The following SGSH variants were observed in gnomAD, a reference collection of about 807,000 sequenced individuals.
SGSH encodes the protein N-sulfoglucosamine sulfohydrolase.
SGSH carries 48 observed loss-of-function variants against 51.0 expected under a neutral mutation model. The ratio of observed to expected loss-of-function variants is 0.94; its 90% CI spans 0.75 to 1.20. SGSH has a LOEUF of 1.20. SGSH is among the 50% of genes most tolerant of loss of function. The pLI, the probability that SGSH is intolerant of heterozygous loss-of-function variation, is 0.00. For synonymous variants in SGSH, 321 were observed against 313.4 expected, an observed-to-expected ratio of 1.02 and a Z score of -0.26; for missense variants, 662 against 717.8, an observed-to-expected ratio of 0.92 and a Z score of 0.89.
At chr17:80,215,900 G>A (rs970850283) in intron 2 of SGSH, among the ~76,000 whole-genome samples, 6 of 152,310 alleles carry the variant, frequency 3.9e-5, no homozygotes, top group Middle Eastern at 3.4e-3. Flanking sequence ...GCCCACTGAC[G>A]GATGAATATG....
At chr17:80,211,804 G>A in intron 7 of SGSH, 1 of 540,082 alleles carries the variant, frequency 1.9e-6, no homozygotes, top group Non-Finnish European at 3.4e-6. Context: ...TCGGAGGTAG[G>A]CGGGGAAAAG....
downstream of SGSH, chr17:80,208,249 C>G (rs144285237): frequency 1.7e-3 from 2,654 of 1,581,668 alleles, 6 homozygotes; most frequent in Admixed American, 2.6e-3. Flanking sequence ...TGGCTCCTGA[C>G]GGCTGGAGCG....
rs560611957 is a variant in SGSH, at chr17:80,209,417, C to T, written c.*1035G>A. 7 of 985,516 alleles carry T rather than the reference C, an allele frequency of 7.1e-6. No individual in the cohort carries two copies. The highest frequency in any genetic ancestry group is 9.4e-5 in the South Asian group (2 of 21,288). 61.0% of individuals were successfully genotyped at this position (985,516 alleles called of 1,614,324 possible). Reference sequence around the variant, plus strand: ...GGGAGCCCACCTACTCAAGGAAGCGCCCTCTCCTTCGAGGGGTGTCCAGGC... The same window carrying T: ...GGGAGCCCACCTACTCAAGGAAGCGTCCTCTCCTTCGAGGGGTGTCCAGGC... On this transcript the variant is annotated 3_prime_UTR_variant, in exon 8 of 8. Coordinates refer to ENST00000326317, the MANE Select transcript of SGSH (RefSeq NM_000199.5).
At chr17:80,214,505 C>A in intron 4 of SGSH, 110 bp downstream of exon 4, 6 of 1,338,438 alleles carry the variant, frequency 4.5e-6, no homozygotes, top group Non-Finnish European at 5.2e-6. Context: ...GGAACCTTCT[C>A]CCCTGCCCCC....
chr17:80,210,141 C>A lies in SGSH; in HGVS notation c.*311G>T. ...CCCTTGTCATGGGCTGGGGGCGCTGCCCTGTCCGCAGACCACGTATGTCTA... is the reference window on the plus strand; with the variant it reads ...CCCTTGTCATGGGCTGGGGGCGCTGACCTGTCCGCAGACCACGTATGTCTA... On this transcript the variant is annotated 3_prime_UTR_variant, in exon 8 of 8. Transcript: ENST00000326317. The A allele has an allele frequency of 4.7e-6, 6 of 1,283,104 alleles. No homozygotes were observed. Among genetic ancestry groups the A allele is most frequent in the Non-Finnish European group, 6.0e-6 (6 of 1,007,786 alleles). The allele number at this position is 1,283,104 out of a possible 1,614,324, so 79.5% of individuals were successfully genotyped here.
At chr17:80,218,102 A>G (rs558866481) in intron 1 of SGSH, among the ~76,000 whole-genome samples, 1 of 152,370 alleles carries the variant, frequency 6.6e-6, no homozygotes, top group African/African-American at 2.4e-5. Context: ...TTAGCCGGCT[A>G]GGCATTTAGG....
Position 80,212,437 on chromosome 17 carries a change from A to G in SGSH, c.746-163T>C, listed in dbSNP as rs1244750210. ...TTCCCAATGGCCCTGGCTCTTGCCC[A>G]GCTCTTGCCCAGCTCCGCCCAGCTC... is the stretch of plus-strand genomic sequence containing the variant. On this transcript the variant is annotated intron_variant, in intron 6 of 7. Transcript: ENST00000326317. The surrounding 1 kb of genome is among the most constrained non-coding windows in gnomAD (Gnocchi z 5.9). 3 of 696,968 alleles carry G rather than the reference A, an allele frequency of 4.3e-6. No individual in the cohort carries two copies. Among genetic ancestry groups the G allele is most frequent in the Non-Finnish European group, 7.7e-6 (3 of 390,228 alleles). The allele number at this position is 696,968 out of a possible 1,614,324, so 43.2% of individuals were successfully genotyped here.
chr17:80,208,287 G>T (rs748377540), downstream of SGSH: 3 of 1,601,284 alleles, frequency 1.9e-6, no homozygotes, highest in Non-Finnish European at 2.6e-6. Flanking sequence ...AGCTGTGTCC[G>T]CCAGGCCATC....
At chr17:80,214,058 T>G (rs1180860679) in intron 5 of SGSH, 114 bp downstream of exon 5, 1 of 1,425,556 alleles carries the variant, frequency 7.0e-7, no homozygotes. Flanking sequence ...TGAATCCGAT[T>G]TGGTCAGAGC....
rs750158313 is a variant in SGSH, at chr17:80,213,897, G to A, written c.664-12C>T. 9.4e-6 allele frequency: 15 copies of A among 1,599,964 alleles called. 1 individual carries two copies. Among genetic ancestry groups the A allele is most frequent in the Admixed American group, 6.9e-5 (4 of 58,156 alleles). ...ACGAAGTAAGGCACCTGGGGCAGGC[G>A]GTGGGGAGCCAGGCTTAGAACAGAC... On this transcript the variant is annotated splice_polypyrimidine_tract_variant and intron_variant, in intron 5 of 7. Coordinates refer to ENST00000326317, the MANE Select transcript of SGSH (RefSeq NM_000199.5). The surrounding 1 kb of genome is among the most constrained non-coding windows in gnomAD (Gnocchi z 4.6).
intron 7 of SGSH, 159 bp from the exon 8 acceptor site, chr17:80,211,170 C>G: frequency 6.6e-7 from 1 of 1,506,774 alleles, no homozygotes; most frequent in Non-Finnish European, 8.8e-7. Context: ...GCCACGTCAT[C>G]TCTCTGGGCC....
In SGSH at chr17:80,210,113, A is replaced by G; in HGVS notation, c.*339T>C. On this transcript the variant is annotated 3_prime_UTR_variant, in exon 8 of 8. Transcript: ENST00000326317. Reference sequence around the variant, plus strand: ...TCCCCAAACCAAGCCAGAAAACAAGACTCCCTTGTCATGGGCTGGGGGCGC... The same window carrying G: ...TCCCCAAACCAAGCCAGAAAACAAGGCTCCCTTGTCATGGGCTGGGGGCGC... 2 of 1,187,382 alleles carry G rather than the reference A, an allele frequency of 1.7e-6. No individual in the cohort carries two copies. The highest frequency in any genetic ancestry group is 4.8e-5 in the South Asian group (2 of 41,480). The allele number at this position is 1,187,382 out of a possible 1,614,324, so 73.6% of individuals were successfully genotyped here. A position where few individuals can be genotyped will look rare whatever the true frequency, so the allele number is the denominator to read the frequency against.
At chr17:80,218,210 G>A (rs749012633) in intron 1 of SGSH, among the ~76,000 whole-genome samples, 3 of 152,250 alleles carry the variant, frequency 2.0e-5, no homozygotes, top group Non-Finnish European at 2.9e-5. Flanking sequence ...CGCCCAGGGC[G>A]CGTCTAAAGC....
At chr17:80,208,778 A>AGG (rs1193383669), downstream of SGSH, 1 of 155,736 alleles carries the variant, frequency 6.4e-6, no homozygotes, top group African/African-American at 2.4e-5. Flanking sequence ...AAAAGCACAG[A>AGG]GGCAGCGGGT....
At chr17:80,211,546 A>G in intron 7 of SGSH, 1 of 269,082 alleles carries the variant, frequency 3.7e-6, no homozygotes, top group East Asian at 1.0e-4. Context: ...CTGCACATCC[A>G]TAACATGGGA....
At chr17:80,215,194 C>T (rs1311755795) in intron 2 of SGSH, 56 bp from the exon 3 acceptor site, 60 of 1,315,788 alleles carry the variant, frequency 4.6e-5, no homozygotes, top group East Asian at 1.4e-4. Flanking sequence ...GCCCGCCTGC[C>T]GCACCTGTTC....
At chr17:80,202,647 T>A (rs1024964141), downstream of SGSH, 1 of 1,381,552 alleles carries the variant, frequency 7.2e-7, no homozygotes, top group African/African-American at 1.5e-5. Context: ...TAGATCTGGG[T>A]TTCTTAGCTC....
chr17:80,213,495 T>C lies in SGSH; in HGVS notation c.745+309A>G, dbSNP rs1197133796. The C allele has an allele frequency of 2.0e-6, 1 of 489,836 alleles. No individual in the cohort carries two copies. Among genetic ancestry groups the C allele is most frequent in the East Asian group, 3.6e-5 (1 of 28,144 alleles). The allele number at this position is 489,836 out of a possible 1,614,324, so 30.3% of individuals were successfully genotyped here. A position where few individuals can be genotyped will look rare whatever the true frequency, so the allele number is the denominator to read the frequency against. On this transcript the variant is annotated intron_variant, in intron 6 of 7. Coordinates refer to ENST00000326317, the MANE Select transcript of SGSH (RefSeq NM_000199.5). This position sits in a 1 kb window ranked among gnomAD's most constrained non-coding sequence, Gnocchi z 4.6. Reference sequence around the variant, plus strand: ...AGACCTCAAGATCTCCATCTGCATATGCTAAGGAACTCCAAACCCCCAAAT... The same window carrying C: ...AGACCTCAAGATCTCCATCTGCATACGCTAAGGAACTCCAAACCCCCAAAT...
downstream of SGSH, chr17:80,204,817 G>A (rs1187310241): frequency 3.9e-6 from 2 of 507,362 alleles, no homozygotes; most frequent in Non-Finnish European, 6.9e-6. Context: ...GCAGTCCCTG[G>A]AGAGCCACAG....
Sources: gnomAD v4.1 joint callset for allele counts (sites outside exome capture counted in the v4.1 genomes callset) on GRCh38, gnomAD v4.1.1 for gene constraint, Gnocchi (gnomAD v3.1) non-coding constraint, MANE v1.5 for transcripts, NCBI Gene and HGNC (gene_info 2026-07-23, HGNC 2026-07-21) for gene names.